The following RCHY1 variants were observed in gnomAD, a reference collection of about 807,000 sequenced individuals.
RCHY1 encodes RING finger and CHY zinc finger domain-containing protein 1.
In RCHY1, 21 loss-of-function variants were observed where a neutral mutation model predicts 41.6. The observed-to-expected ratio is 0.51, with a 90% confidence interval of 0.36 to 0.73. RCHY1 has a LOEUF of 0.73. Among genes scored for constraint, RCHY1 ranks in the 30% least tolerant of loss-of-function variants. The pLI, the probability that RCHY1 is intolerant of heterozygous loss-of-function variation, is 0.00. For synonymous variants in RCHY1, 79 were observed against 102.9 expected (o/e 0.77, Z 1.41); for missense variants, 265 against 325.3 (o/e 0.81, Z 1.43).
chr4:75,494,436 T>C (rs559291285), intron 3 of RCHY1: 99 of 358,764 alleles, frequency 2.8e-4, no homozygotes, highest in African/African-American at 2.0e-3. Flanking sequence ...CACACACACA[T>C]TTCGGGTTTG....
At chr4:75,506,308 A>C (rs1180420984) in intron 3 of RCHY1, among the ~76,000 whole-genome samples, 1 of 152,062 alleles carries the variant, frequency 6.6e-6, no homozygotes, top group Admixed American at 6.6e-5. Flanking sequence ...TAAAAAAAAA[A>C]ATCAAGCATG....
intron 7 of RCHY1, chr4:75,491,326 T>C (rs1722730272): frequency 6.8e-6 from 2 of 293,102 alleles, no homozygotes; most frequent in East Asian, 1.2e-4. Context: ...TATAACTGCA[T>C]CTGGCAAAAA....
At chr4:75,510,254 C>T (rs994579681) in intron 1 of RCHY1, among the ~76,000 whole-genome samples, 1 of 152,162 alleles carries the variant, frequency 6.6e-6, no homozygotes, top group African/African-American at 2.4e-5. Flanking sequence ...AAAATCTCAT[C>T]CCTGGAGTGA....
At chr4:75,487,823 TAA>T (rs1491541084) in intron 8 of RCHY1, among the ~76,000 whole-genome samples, 4 of 55,588 alleles carry the variant, frequency 7.2e-5, no homozygotes, top group African/African-American at 1.3e-4. Context: ...TATATATTCA[TAA>T]TATATATATT....
In RCHY1 at chr4:75,491,805, T is replaced by G. The variant is rs757627792; in HGVS notation, c.451-23A>C. 3.1e-6 allele frequency: 5 copies of G among 1,610,722 alleles called. No homozygotes were observed. In the African/African-American group the frequency reaches 6.7e-5, roughly 22 times the overall value. On this transcript the variant is annotated intron_variant, in intron 5 of 8. Coordinates refer to ENST00000324439, the MANE Select transcript of RCHY1 (RefSeq NM_015436.4). ...GTCCTGTAAATGAAATAAATGTTAGTGCTTGTATGAAGACAATATAAACAT... is the reference window on the plus strand; with the variant it reads ...GTCCTGTAAATGAAATAAATGTTAGGGCTTGTATGAAGACAATATAAACAT...
intron 8 of RCHY1, among the ~76,000 whole-genome samples, chr4:75,487,682 T>TATATTCATA (rs1722277550): frequency 1.6e-4 from 6 of 36,616 alleles, no homozygotes; most frequent in Admixed American, 3.5e-4. Context: ...ATATTCATAA[T>TATATTCATA]ATATATATTC....
chr4:75,494,843 T>C (rs911190366), intron 3 of RCHY1, among the ~76,000 whole-genome samples: 2 of 151,896 alleles, frequency 1.3e-5, no homozygotes, highest in South Asian at 2.1e-4. Flanking sequence ...CCCCACACTT[T>C]GGGTAACATG....
At chr4:75,500,683 T>C (rs1723666024) in intron 3 of RCHY1, among the ~76,000 whole-genome samples, 2 of 152,130 alleles carry the variant, frequency 1.3e-5, no homozygotes, top group South Asian at 2.1e-4. Context: ...GATGAAGCAA[T>C]AGGGTCAAGA....
At chr4:75,501,809 T>C (rs1190880057) in intron 3 of RCHY1, among the ~76,000 whole-genome samples, 1 of 152,254 alleles carries the variant, frequency 6.6e-6, no homozygotes, top group African/African-American at 2.4e-5. Context: ...CTCAGTGCGG[T>C]GGCTCACGCC....
intron 3 of RCHY1, among the ~76,000 whole-genome samples, chr4:75,499,357 T>C (rs760330539): frequency 2.6e-5 from 4 of 152,142 alleles, no homozygotes; most frequent in Non-Finnish European, 4.4e-5. Flanking sequence ...ACTGTGGCAA[T>C]CTGAATGGAG....
intron 1 of RCHY1, chr4:75,513,910 TCTACTTCGGC>T (rs1318640835): frequency 2.5e-5 from 7 of 278,084 alleles, no homozygotes; most frequent in African/African-American, 1.5e-4. Flanking sequence ...GCTGCCTCAG[TCTACTTCGGC>T]AGCAAAAGAC....
Position 75,509,261 on chromosome 4 carries a change from C to T in RCHY1, c.126G>A (p.Leu42=), listed in dbSNP as rs144961587. ...PCCDKLYTCR[L]CHDNNEDHQL... ...GATGATCTTCATTGTTATCATGACA[C>T]AAGCGGCAAGTATAAAGCTTGTCAC... The change falls in exon 2 of 9, where the codon TTG becomes TTA. Residue 42 remains leucine (L), a synonymous_variant. Coordinates refer to ENST00000324439, the MANE Select transcript of RCHY1 (RefSeq NM_015436.4). 24 of 1,613,188 alleles carry T rather than the reference C, an allele frequency of 1.5e-5. No individual in the cohort carries two copies. The Middle Eastern group carries it at 4.9e-4, about 33-fold the overall frequency.
chr4:75,488,512 T>G (rs1722455625), intron 8 of RCHY1, among the ~76,000 whole-genome samples: 1 of 152,172 alleles, frequency 6.6e-6, no homozygotes. Flanking sequence ...TTTATAAAAC[T>G]GCCAACCCAA....
chr4:75,498,075 C>G (rs1253369989), intron 3 of RCHY1, among the ~76,000 whole-genome samples: 1 of 148,914 alleles, frequency 6.7e-6, no homozygotes, highest in Non-Finnish European at 1.5e-5. Flanking sequence ...AAAACAAAAG[C>G]TGGTGTTTTT....
chr4:75,496,981 T>G (rs974447962), intron 3 of RCHY1, among the ~76,000 whole-genome samples: 2 of 152,058 alleles, frequency 1.3e-5, no homozygotes, highest in African/African-American at 4.8e-5. Flanking sequence ...ATTAAAAAAG[T>G]ATTAAATATG....
chr4:75,483,488 T>TAAAATTTCCATTTTA, intron 8 of RCHY1, among the ~76,000 whole-genome samples: 1 of 152,286 alleles, frequency 6.6e-6, no homozygotes, highest in Non-Finnish European at 1.5e-5. Context: ...CTTTTTGGGA[T>TAAAATTTCCATTTTA]GATAAAAATG....
chr4:75,482,428 C>G lies in RCHY1; in HGVS notation c.*110G>C. On this transcript the variant is annotated 3_prime_UTR_variant, in exon 9 of 9. Coordinates refer to ENST00000324439, the MANE Select transcript of RCHY1 (RefSeq NM_015436.4). ...ATGATTTTATGCTGTGACACTAGTACAAAACACATCAACTCTAATGCATAG... is the reference window on the plus strand; with the variant it reads ...ATGATTTTATGCTGTGACACTAGTAGAAAACACATCAACTCTAATGCATAG... 1 of 1,012,356 alleles carries G rather than the reference C, an allele frequency of 9.9e-7. No homozygotes were observed. Among genetic ancestry groups the G allele is most frequent in the Non-Finnish European group, 1.4e-6 (1 of 725,306 alleles). 62.7% of individuals were successfully genotyped at this position (1,012,356 alleles called of 1,614,324 possible). A position where few individuals can be genotyped will look rare whatever the true frequency, so the allele number is the denominator to read the frequency against.
chr4:75,506,117 A>T (rs1242651774), intron 3 of RCHY1, among the ~76,000 whole-genome samples: 2 of 147,172 alleles, frequency 1.4e-5, no homozygotes, highest in East Asian at 4.0e-4. Flanking sequence ...AAAAAAAAAT[A>T]GAACAGGACA....
chr4:75,497,121 C>A (rs1451438428), intron 3 of RCHY1, among the ~76,000 whole-genome samples: 2 of 152,128 alleles, frequency 1.3e-5, no homozygotes, highest in East Asian at 3.9e-4. Context: ...AACTTGAAGG[C>A]ACAGTAACAG....
Sources: allele counts gnomAD v4.1 joint callset (sites outside exome capture counted in the v4.1 genomes callset), GRCh38; gene constraint gnomAD v4.1.1; transcripts MANE v1.5; gene names NCBI Gene and HGNC (gene_info 2026-07-23, HGNC 2026-07-21).